The following PCDHGB2 variants were observed in gnomAD, a reference collection of about 807,000 sequenced individuals.
The protein encoded by PCDHGB2 is protocadherin gamma subfamily B, 2, also known as protocadherin gamma-B2.
In PCDHGB2, 55 loss-of-function variants were observed where a neutral mutation model predicts 59.3. That is an observed-to-expected ratio of 0.93 (90% CI 0.75 to 1.16). The LOEUF (loss-of-function observed/expected upper bound fraction) is 1.16. Among genes scored for constraint, PCDHGB2 ranks in the 50% most tolerant of loss-of-function variants. PCDHGB2 has a pLI of 0.00. For synonymous variants in PCDHGB2, 516 were observed against 512.0 expected (o/e 1.01, Z -0.11); for missense variants, 1,228 against 1,198.5 (o/e 1.02, Z -0.36).
chr5:141,480,414 CAA>C (rs10712552), intron 1 of PCDHGB2, among the ~76,000 whole-genome samples: 346 of 147,498 alleles, frequency 2.3e-3, no homozygotes, highest in African/African-American at 8.3e-3. Flanking sequence ...GACCCTGTCT[CAA>C]AAAAAAAAAT....
rs757565497 is a variant in PCDHGB2 at position 141,370,731 on chromosome 5, C to A, written c.2421+8175C>A. 4 of 1,613,798 alleles carry A rather than the reference C, an allele frequency of 2.5e-6. No homozygotes were observed. The South Asian group carries it at 3.3e-5, about 13-fold the overall frequency. ...GGAATTTGAAATGGTTGCTGAAAAG[C>A]CTTTAAACTTTTTTCATGTAACTGT... On this transcript the variant is annotated intron_variant, in intron 1 of 3. Coordinates refer to ENST00000522605, the MANE Select transcript of PCDHGB2 (RefSeq NM_018923.3).
intron 1 of PCDHGB2, among the ~76,000 whole-genome samples, chr5:141,369,532 T>C (rs1330154732): frequency 1.3e-5 from 2 of 152,314 alleles, no homozygotes; most frequent in African/African-American, 2.4e-5. Flanking sequence ...ATCATACTTA[T>C]TTAATTAAAA....
At chr5:141,363,522 T>C (rs1028611491) in intron 1 of PCDHGB2, among the ~76,000 whole-genome samples, 2 of 152,254 alleles carry the variant, frequency 1.3e-5, no homozygotes, top group Non-Finnish European at 2.9e-5. Context: ...GTTACTATAC[T>C]GGTTGTCACT....
chr5:141,508,737 C>T (rs919094477), intron 3 of PCDHGB2, among the ~76,000 whole-genome samples: 1 of 152,010 alleles, frequency 6.6e-6, no homozygotes, highest in Non-Finnish European at 1.5e-5. Flanking sequence ...CTACACCCCC[C>T]ACCCCGCTCT....
intron 1 of PCDHGB2, chr5:141,372,919 A>AT (rs1186389143): frequency 7.2e-5 from 73 of 1,017,918 alleles, no homozygotes; most frequent in Non-Finnish European, 9.7e-5. Context: ...TATTTTATTG[A>AT]TTTTCTGGTG....
chr5:141,478,394 G>T (rs2099453142), intron 1 of PCDHGB2: 4 of 1,613,586 alleles, frequency 2.5e-6, no homozygotes, highest in Non-Finnish European at 3.4e-6. Flanking sequence ...TTACCATCAG[G>T]TGTATCTCAC....
At chr5:141,481,441 T>C (rs1397908285) in intron 1 of PCDHGB2, among the ~76,000 whole-genome samples, 1 of 152,250 alleles carries the variant, frequency 6.6e-6, no homozygotes, top group East Asian at 1.9e-4. Context: ...ATCAGTTTAG[T>C]ACATGTAAAT....
intron 1 of PCDHGB2, chr5:141,415,649 A>T: frequency 1.9e-6 from 3 of 1,597,710 alleles, no homozygotes; most frequent in Non-Finnish European, 2.6e-6. Context: ...GTTAAAAAAA[A>T]AAAGATTGGT....
Position 141,511,303 on chromosome 5 carries a change from C to T in PCDHGB2, c.*130C>T, listed in dbSNP as rs2099883709. 2.7e-6 allele frequency: 4 copies of T among 1,490,160 alleles called. No homozygotes were observed. Among genetic ancestry groups the T allele is most frequent in the Non-Finnish European group, 3.6e-6 (4 of 1,116,196 alleles). 92.3% of individuals were successfully genotyped at this position (1,490,160 alleles called of 1,614,324 possible). ...CTGGTAGGGGCCAAGGCCATGCTCC[C>T]CTTGGGAAACAGAAACAAGTGCCCA... On this transcript the variant is annotated 3_prime_UTR_variant, in exon 4 of 4. Coordinates refer to ENST00000522605, the MANE Select transcript of PCDHGB2 (RefSeq NM_018923.3).
Position 141,489,090 on chromosome 5 carries a change from C to CCAA in PCDHGB2, c.2422-5717_2422-5716insCAA, listed in dbSNP as rs2099682444. 1 of 328,824 alleles carries CCAA rather than the reference C, an allele frequency of 3.0e-6. No individual in the cohort carries two copies. Among genetic ancestry groups the CCAA allele is most frequent in the Admixed American group, 6.1e-5 (1 of 16,500 alleles). The allele number at this position is 328,824 out of a possible 1,614,324, so 20.4% of individuals were successfully genotyped here. ...CCTGCCCACCCCCGCCACTCGGTGA[C>CCAA]TAAGAACTGCTGCAAGCAGGCAAAC... On this transcript the variant is annotated intron_variant, in intron 1 of 3. Transcript: ENST00000522605. This position sits in a 1 kb window ranked among gnomAD's most constrained non-coding sequence, Gnocchi z 4.5.
intron 1 of PCDHGB2, chr5:141,372,557 C>A: frequency 6.2e-7 from 1 of 1,614,048 alleles, no homozygotes; most frequent in Non-Finnish European, 8.5e-7. Flanking sequence ...CCTCCAGACC[C>A]GCCACTGAGG....
chr5:141,478,137 G>A (rs762316494), intron 1 of PCDHGB2: 13 of 1,613,872 alleles, frequency 8.1e-6, no homozygotes, highest in African/African-American at 8.0e-5. Context: ...CCTGAAGCCC[G>A]AGCCGAGTTC....
At position 141,485,331 on chromosome 5, in the gene PCDHGB2, T is replaced by G; in HGVS notation, c.2422-9476T>G. 6.2e-7 allele frequency: 1 copy of G among 1,614,166 alleles called. No individual in the cohort carries two copies. Among genetic ancestry groups the G allele is most frequent in the Admixed American group, 1.7e-5 (1 of 60,022 alleles). Reference sequence around the variant, plus strand: ...GTAGGGAATGTCGCTCAAGATTTCCTGCTGGATACGGACAGTCTGTCAGCT... The same window carrying G: ...GTAGGGAATGTCGCTCAAGATTTCCGGCTGGATACGGACAGTCTGTCAGCT... On this transcript the variant is annotated intron_variant, in intron 1 of 3. Coordinates refer to ENST00000522605, the MANE Select transcript of PCDHGB2 (RefSeq NM_018923.3). The surrounding 1 kb of genome is among the most constrained non-coding windows in gnomAD (Gnocchi z 5.7).
chr5:141,405,407 CTTTT>C (rs762612492), intron 1 of PCDHGB2: 1 of 1,581,924 alleles, frequency 6.3e-7, no homozygotes, highest in Non-Finnish European at 8.6e-7. Flanking sequence ...TCTTTCTTTT[CTTTT>C]TTTGTTTTTT....
intron 1 of PCDHGB2, chr5:141,427,535 C>T (rs746067304): frequency 8.0e-6 from 5 of 626,498 alleles, no homozygotes; most frequent in South Asian, 7.6e-5. Flanking sequence ...CGGAGTACAA[C>T]GTCACCATCA....
At chr5:141,417,900 G>T (rs563876979) in intron 1 of PCDHGB2, 1 of 1,583,452 alleles carries the variant, frequency 6.3e-7, no homozygotes, top group African/African-American at 1.3e-5. Flanking sequence ...GCCGGCCCGC[G>T]GCAGGTACTA....
intron 1 of PCDHGB2, chr5:141,403,467 T>G: frequency 6.2e-7 from 1 of 1,614,020 alleles, no homozygotes; most frequent in Non-Finnish European, 8.5e-7. Context: ...AGCTACCAGC[T>G]CAGCCCCAAT....
At chr5:141,466,054 G>A (rs2099115921) in intron 1 of PCDHGB2, among the ~76,000 whole-genome samples, 1 of 152,080 alleles carries the variant, frequency 6.6e-6, no homozygotes, top group Non-Finnish European at 1.5e-5. Context: ...CCCAGGAGAC[G>A]GAGCTTGCAG....
At chr5:141,446,365 G>T (rs2098499873) in intron 1 of PCDHGB2, among the ~76,000 whole-genome samples, 1 of 152,194 alleles carries the variant, frequency 6.6e-6, no homozygotes, top group Non-Finnish European at 1.5e-5. Flanking sequence ...GATGAGAATG[G>T]AAGACTAAAG....
Sources: allele counts gnomAD v4.1 joint callset (sites outside exome capture counted in the v4.1 genomes callset), GRCh38; gene constraint gnomAD v4.1.1; non-coding constraint Gnocchi (gnomAD v3.1); transcripts MANE v1.5; gene names NCBI Gene and HGNC (gene_info 2026-07-23, HGNC 2026-07-21).